The following ARIH2 variants were observed in gnomAD, a reference collection of about 807,000 sequenced individuals.
ARIH2 encodes the protein E3 ubiquitin-protein ligase ARIH2.
A neutral mutation model predicts 79.8 loss-of-function variants in ARIH2; 12 were observed. That is an observed-to-expected ratio of 0.15 (90% CI 0.10 to 0.24). The LOEUF is 0.24. Among genes scored for constraint, ARIH2 ranks in the 10% least tolerant of loss-of-function variants. The probability of loss-of-function intolerance (pLI) is 1.00; values close to 1 mark genes in which losing one functional copy is unlikely to be tolerated. For synonymous variants in ARIH2, 224 were observed against 213.9 expected (o/e 1.05, Z -0.41); for missense variants, 301 against 618.3 (o/e 0.49, Z 5.44).
Position 48,918,931 on chromosome 3 carries a change from G to T in ARIH2, c.-229G>T, listed in dbSNP as rs751559608. 3 of 1,590,308 alleles carry T rather than the reference G, an allele frequency of 1.9e-6. No homozygotes were observed. The highest frequency in any genetic ancestry group is 1.7e-6 in the Non-Finnish European group (2 of 1,172,972). On this transcript the variant is annotated 5_prime_UTR_variant, in exon 1 of 16. Coordinates refer to ENST00000356401, the MANE Select transcript of ARIH2 (RefSeq NM_006321.4). ...TCCGCTGCCGCTTCGCCCCAATCCGGTCCCTCTGGCCCGGCCTGACCCGGT... is the reference window on the plus strand; with the variant it reads ...TCCGCTGCCGCTTCGCCCCAATCCGTTCCCTCTGGCCCGGCCTGACCCGGT...
At chr3:48,975,302 C>T (rs2092439993) in intron 11 of ARIH2, among the ~76,000 whole-genome samples, 1 of 152,172 alleles carries the variant, frequency 6.6e-6, no homozygotes. Context: ...TAGCTTGGGG[C>T]TTATCTGTGC....
chr3:48,965,444 A>T (rs944499831), intron 5 of ARIH2, among the ~76,000 whole-genome samples: 2 of 152,110 alleles, frequency 1.3e-5, no homozygotes, highest in Non-Finnish European at 2.9e-5. Flanking sequence ...ATCTTCTGTT[A>T]TGGTTTGAAA....
At chr3:48,950,426 G>A (rs957430135) in intron 3 of ARIH2, among the ~76,000 whole-genome samples, 6 of 152,068 alleles carry the variant, frequency 3.9e-5, no homozygotes, top group African/African-American at 4.8e-5. Context: ...CTTGATTACC[G>A]TATGTAGCTT....
chr3:48,967,058 A>G, intron 5 of ARIH2, 67 bp from the exon 6 acceptor site: 2 of 1,538,328 alleles, frequency 1.3e-6, no homozygotes, highest in Non-Finnish European at 1.8e-6. Context: ...ACCCGGCTGC[A>G]TGAGGTACCC....
chr3:48,960,871 A>T (rs1190866988), intron 3 of ARIH2, among the ~76,000 whole-genome samples: 3 of 151,778 alleles, frequency 2.0e-5, no homozygotes, highest in Admixed American at 2.0e-4. Context: ...TTTTTGTTGG[A>T]TATTTAGGTT....
At chr3:48,949,793 T>C (rs2089715675) in intron 3 of ARIH2, among the ~76,000 whole-genome samples, 1 of 152,158 alleles carries the variant, frequency 6.6e-6, no homozygotes, top group Non-Finnish European at 1.5e-5. Context: ...TTTGCAGATA[T>C]TTTCTCCCAT....
At chr3:48,922,615 A>G (rs1377063051) in intron 1 of ARIH2, 133 bp from the exon 2 acceptor site, 2 of 152,160 alleles carry the variant, frequency 1.3e-5, no homozygotes, top group African/African-American at 4.8e-5. Flanking sequence ...ACTTTAAAAG[A>G]AGATAATTAA....
At chr3:48,922,274 A>G (rs2084926711) in intron 1 of ARIH2, 2 of 151,796 alleles carry the variant, frequency 1.3e-5, no homozygotes, top group Admixed American at 1.3e-4. Flanking sequence ...GAGAATTGAG[A>G]TTAAATTATT....
At chr3:48,919,086 C>T in intron 1 of ARIH2, 88 bp downstream of exon 1, 1 of 1,274,846 alleles carries the variant, frequency 7.8e-7, no homozygotes, top group Non-Finnish European at 9.9e-7. Flanking sequence ...CGGGCCGGGA[C>T]TCCGCCTTCG....
chr3:48,935,951 A>G (rs1244930605), intron 3 of ARIH2, among the ~76,000 whole-genome samples: 1 of 152,172 alleles, frequency 6.6e-6, no homozygotes, highest in East Asian at 1.9e-4. Flanking sequence ...ACCTTCCCCT[A>G]GAGCCTCTGG....
intron 1 of ARIH2, among the ~76,000 whole-genome samples, chr3:48,919,657 G>A (rs1005704111): frequency 3.3e-5 from 5 of 152,230 alleles, no homozygotes; most frequent in Non-Finnish European, 5.9e-5. Flanking sequence ...GTGCACCTGA[G>A]AAACTAAATT....
Position 48,952,650 on chromosome 3 carries a change from C to T in ARIH2, c.256-8962C>T, listed in dbSNP as rs149453907. ...GTAAAGTGGTTAAGGAAGAGTGAGA[C>T]GTGGAGGAAAAGGCCAACAGTCCTA... On this transcript the variant is annotated intron_variant, in intron 3 of 15. Transcript: ENST00000356401. Among the ~76,000 whole-genome samples, 139 of 152,066 alleles carry T rather than the reference C, an allele frequency of 9.1e-4. No homozygotes were observed. In the East Asian group the frequency reaches 0.026, roughly 29 times the overall value.
At position 48,984,918 on chromosome 3, in the gene ARIH2, T is replaced by A. The variant is rs946353449; in HGVS notation, c.*1648T>A. 2 of 152,224 alleles carry A rather than the reference T, an allele frequency of 1.3e-5. No homozygotes were observed. The highest frequency in any genetic ancestry group is 4.8e-5 in the African/African-American group (2 of 41,420). 9.4% of individuals were successfully genotyped at this position (152,224 alleles called of 1,614,324 possible). A position where few individuals can be genotyped will look rare whatever the true frequency, so the allele number is the denominator to read the frequency against. On this transcript the variant is annotated 3_prime_UTR_variant, in exon 16 of 16. Transcript: ENST00000356401. ...TCCTTCCTCAGGTTTTGTCTCTTCC[T>A]GTGTTGTCCCCAGCAAGGGAGAGAC...
At chr3:48,972,354 G>A (rs1049121931) in intron 8 of ARIH2, among the ~76,000 whole-genome samples, 2 of 152,322 alleles carry the variant, frequency 1.3e-5, no homozygotes, top group East Asian at 3.9e-4. Context: ...GGGGCCAAGT[G>A]TGGTGGCTCA....
At chr3:48,953,505 G>A (rs750984573) in intron 3 of ARIH2, among the ~76,000 whole-genome samples, 1 of 152,030 alleles carries the variant, frequency 6.6e-6, no homozygotes, top group African/African-American at 2.4e-5. Flanking sequence ...CCGGGTTCAC[G>A]CCATTCTCCT....
At chr3:48,960,209 T>C (rs1351286260) in intron 3 of ARIH2, among the ~76,000 whole-genome samples, 1 of 152,162 alleles carries the variant, frequency 6.6e-6, no homozygotes, top group African/African-American at 2.4e-5. Context: ...TCTTGACACT[T>C]AGGGTGTTTT....
intron 3 of ARIH2, among the ~76,000 whole-genome samples, chr3:48,939,870 T>C (rs1007297428): frequency 6.6e-5 from 10 of 151,848 alleles, no homozygotes; most frequent in Non-Finnish European, 1.5e-4. Flanking sequence ...ATTTAGTACA[T>C]TCACATTGTT....
intron 1 of ARIH2, among the ~76,000 whole-genome samples, chr3:48,920,630 C>T (rs1340672873): frequency 1.4e-5 from 1 of 70,568 alleles, no homozygotes; most frequent in Non-Finnish European, 2.8e-5. Flanking sequence ...GCTGGGATTA[C>T]AGCTGGGATT....
At chr3:48,952,284 G>C (rs2090064297) in intron 3 of ARIH2, among the ~76,000 whole-genome samples, 1 of 152,150 alleles carries the variant, frequency 6.6e-6, no homozygotes, top group Non-Finnish European at 1.5e-5. Flanking sequence ...AACATATGGG[G>C]GTTCTGGAAT....
Sources: allele counts gnomAD v4.1 joint callset (sites outside exome capture counted in the v4.1 genomes callset), GRCh38; gene constraint gnomAD v4.1.1; transcripts MANE v1.5; gene names NCBI Gene and HGNC (gene_info 2026-07-23, HGNC 2026-07-21).